The following OTUD7A variants were observed in gnomAD, a reference collection of about 807,000 sequenced individuals.
The protein encoded by OTUD7A is OTU deubiquitinase 7A.
OTUD7A carries 12 observed loss-of-function variants against 65.7 expected under a neutral mutation model. The observed-to-expected ratio is 0.18, with a 90% CI of 0.12 to 0.30. The LOEUF (loss-of-function observed/expected upper bound fraction) is 0.30, where lower values mean the gene tolerates loss of function less well. OTUD7A is among the 10% of genes least tolerant of loss of function. The probability of loss-of-function intolerance (pLI) is 1.00; values close to 1 mark genes in which losing one functional copy is unlikely to be tolerated. For synonymous variants in OTUD7A, 641 were observed against 586.3 expected (o/e 1.09, Z -1.35); for missense variants, 1,148 against 1,304.8 (o/e 0.88, Z 1.85).
intron 10 of OTUD7A, among the ~76,000 whole-genome samples, chr15:31,490,789 A>C (rs966757891): frequency 2.0e-5 from 3 of 152,164 alleles, no homozygotes; most frequent in African/African-American, 7.2e-5. Flanking sequence ...GTTCTAAGAG[A>C]GTGTCTCCAT....
intron 1 of OTUD7A, among the ~76,000 whole-genome samples, chr15:31,854,366 G>T (rs1897511866): frequency 6.6e-6 from 1 of 152,160 alleles, no homozygotes; most frequent in African/African-American, 2.4e-5. Context: ...ACTCCCTCTT[G>T]CCACATAAGA....
chr15:31,794,260 T>C (rs1392827677), intron 1 of OTUD7A, among the ~76,000 whole-genome samples: 1 of 152,222 alleles, frequency 6.6e-6, no homozygotes, highest in African/African-American at 2.4e-5. Flanking sequence ...ATTGGCCCAT[T>C]TGTCTGTATT....
At chr15:31,665,661 TC>T (rs1381447727) in intron 1 of OTUD7A, among the ~76,000 whole-genome samples, 3 of 152,080 alleles carry the variant, frequency 2.0e-5, no homozygotes, top group Non-Finnish European at 4.4e-5. Context: ...ATTTCTCTCG[TC>T]TGATTGCTCT....
chr15:31,533,677 T>C (rs2141126410), intron 5 of OTUD7A, among the ~76,000 whole-genome samples: 1 of 152,278 alleles, frequency 6.6e-6, no homozygotes, highest in South Asian at 2.1e-4. Context: ...GGAAGTTCTC[T>C]AGGCAGAAAG....
chr15:31,780,102 G>T (rs555757173), intron 1 of OTUD7A, among the ~76,000 whole-genome samples: 3 of 152,102 alleles, frequency 2.0e-5, no homozygotes, highest in Non-Finnish European at 2.9e-5. Flanking sequence ...CAGGCCAGCC[G>T]CGACAGCTGT....
intron 1 of OTUD7A, among the ~76,000 whole-genome samples, chr15:31,788,931 T>C (rs748643606): frequency 8.5e-5 from 13 of 152,280 alleles, no homozygotes; most frequent in African/African-American, 3.1e-4. Flanking sequence ...GGAGGTGCAG[T>C]GACTTTTCCA....
chr15:31,631,894 T>G (rs180986559), intron 3 of OTUD7A, among the ~76,000 whole-genome samples: 3,118 of 152,330 alleles, frequency 0.02, 84 homozygotes, highest in African/African-American at 0.072. Context: ...CTCCTGAGGC[T>G]TCTGCATTCT....
intron 1 of OTUD7A, among the ~76,000 whole-genome samples, chr15:31,863,426 C>G (rs1458924563): frequency 6.6e-6 from 1 of 152,230 alleles, no homozygotes; most frequent in Non-Finnish European, 1.5e-5. Context: ...CCTGGGCATC[C>G]AGGCATTTCC....
At chr15:31,803,999 C>T (rs1896203149) in intron 1 of OTUD7A, among the ~76,000 whole-genome samples, 2 of 152,146 alleles carry the variant, frequency 1.3e-5, no homozygotes, top group Non-Finnish European at 2.9e-5. Context: ...GTGGGTACAT[C>T]AGATGCCTCC....
intron 1 of OTUD7A, among the ~76,000 whole-genome samples, chr15:31,756,085 G>A (rs1478624754): frequency 1.3e-5 from 2 of 152,200 alleles, no homozygotes; most frequent in Non-Finnish European, 2.9e-5. Context: ...GCCCAGTCTT[G>A]CCCCACTGGC....
chr15:31,564,264 C>A (rs1165432853), intron 4 of OTUD7A, among the ~76,000 whole-genome samples: 1 of 151,972 alleles, frequency 6.6e-6, no homozygotes. Context: ...AAAATAATTT[C>A]AATCTAGAGT....
At chr15:31,823,353 T>G (rs1274550962) in intron 1 of OTUD7A, among the ~76,000 whole-genome samples, 1 of 152,204 alleles carries the variant, frequency 6.6e-6, no homozygotes, top group Non-Finnish European at 1.5e-5. Flanking sequence ...AGAGGGAGCA[T>G]TCCACATGTT....
intron 1 of OTUD7A, among the ~76,000 whole-genome samples, chr15:31,672,309 C>T (rs1892502494): frequency 6.6e-6 from 1 of 152,044 alleles, no homozygotes; most frequent in Non-Finnish European, 1.5e-5. Context: ...TTGCTCTGCC[C>T]AGTCTTTCTA....
chr15:31,701,904 A>C (rs1002449703), intron 1 of OTUD7A, among the ~76,000 whole-genome samples: 6 of 150,576 alleles, frequency 4.0e-5, no homozygotes, highest in African/African-American at 1.5e-4. Flanking sequence ...ATCTTTAACA[A>C]AATATTACTG....
rs143067473 is a variant in OTUD7A at position 31,855,020 on chromosome 15, T to A, written c.-100+15487A>T. On this transcript the variant is annotated intron_variant, in intron 1 of 12. Transcript: ENST00000307050. ...AGAAGAATATGAAATATCAACTTTATCAAAGAGATGACAAATATAAGACAA... is the reference window on the plus strand; with the variant it reads ...AGAAGAATATGAAATATCAACTTTAACAAAGAGATGACAAATATAAGACAA... Among the ~76,000 whole-genome samples, 10 of 152,190 alleles carry A rather than the reference T, an allele frequency of 6.6e-5. No homozygotes were observed. In the East Asian group the frequency reaches 1.9e-3, roughly 29 times the overall value.
At chr15:31,581,458 G>T (rs1489075456) in intron 3 of OTUD7A, among the ~76,000 whole-genome samples, 1 of 152,276 alleles carries the variant, frequency 6.6e-6, no homozygotes, top group Non-Finnish European at 1.5e-5. Context: ...CACTGCACTA[G>T]CAGAGGTTCT....
At chr15:31,785,858 T>C (rs4474647) in intron 1 of OTUD7A, among the ~76,000 whole-genome samples, 150,781 of 152,342 alleles carry the variant, frequency 0.99, 74,642 homozygotes, top group Middle Eastern at 1. Flanking sequence ...AAATAGTACA[T>C]GTAAACACAC....
chr15:31,811,312 C>G (rs1896408504), intron 1 of OTUD7A, among the ~76,000 whole-genome samples: 1 of 151,450 alleles, frequency 6.6e-6, no homozygotes, highest in East Asian at 1.9e-4. Flanking sequence ...GTGTGTGTGG[C>G]ATGGTGTGTA....
intron 1 of OTUD7A, among the ~76,000 whole-genome samples, chr15:31,786,610 T>G (rs964324009): frequency 6.6e-6 from 1 of 152,180 alleles, no homozygotes; most frequent in East Asian, 1.9e-4. Context: ...CCTCATGCCC[T>G]GCTGCCCCTC....
Sources: allele counts gnomAD v4.1 joint callset (sites outside exome capture counted in the v4.1 genomes callset), GRCh38; gene constraint gnomAD v4.1.1; transcripts MANE v1.5; gene names NCBI Gene and HGNC (gene_info 2026-07-23, HGNC 2026-07-21).